The following ATRN variants were observed in gnomAD, a reference collection of about 807,000 sequenced individuals.
ATRN encodes attractin-2.
ATRN carries 54 observed loss-of-function variants against 178.7 expected under a neutral mutation model. The observed-to-expected ratio is 0.30, with a 90% CI of 0.24 to 0.38. ATRN has a LOEUF of 0.38. Ranked by LOEUF, ATRN falls within the 10% of genes least tolerant of loss-of-function variation. The pLI, the probability that ATRN is intolerant of heterozygous loss-of-function variation, is 1.00. For synonymous variants in ATRN, 636 were observed against 663.0 expected (o/e 0.96, Z 0.63); for missense variants, 1,443 against 1,815.1 (o/e 0.79, Z 3.73).
intron 5 of ATRN, 61 bp from the exon 6 acceptor site, chr20:3,549,109 T>C: frequency 7.3e-7 from 1 of 1,368,836 alleles, no homozygotes; most frequent in Non-Finnish European, 9.9e-7. Flanking sequence ...TAATTAAAAC[T>C]TGAAATGCAG....
At chr20:3,478,116 A>T (rs1226893189) in intron 1 of ATRN, among the ~76,000 whole-genome samples, 1 of 151,972 alleles carries the variant, frequency 6.6e-6, no homozygotes, top group East Asian at 1.9e-4. Context: ...TTCTGCTGCC[A>T]TTCTAATGTA....
chr20:3,613,571 A>C (rs943475628), intron 24 of ATRN, among the ~76,000 whole-genome samples: 3 of 152,228 alleles, frequency 2.0e-5, no homozygotes, highest in Non-Finnish European at 4.4e-5. Context: ...AGACTTATTT[A>C]AGGAAGACAG....
chr20:3,639,631 T>G (rs541609490), intron 27 of ATRN, among the ~76,000 whole-genome samples: 7 of 152,136 alleles, frequency 4.6e-5, no homozygotes, highest in Admixed American at 3.9e-4. Flanking sequence ...GTGGAAAATA[T>G]TTATCACCCC....
intron 24 of ATRN, among the ~76,000 whole-genome samples, chr20:3,619,418 A>C (rs1227028149): frequency 1.3e-5 from 2 of 152,128 alleles, no homozygotes; most frequent in Admixed American, 1.3e-4. Context: ...ACCAGAACGC[A>C]AGTCCTGAAT....
intron 1 of ATRN, among the ~76,000 whole-genome samples, chr20:3,479,849 A>G (rs995318735): frequency 3.3e-5 from 5 of 151,336 alleles, no homozygotes; most frequent in South Asian, 4.2e-4. Context: ...CTCATGTGAT[A>G]CTCTCCCTCC....
chr20:3,547,835 A>G (rs543080568), intron 5 of ATRN, among the ~76,000 whole-genome samples: 20 of 152,184 alleles, frequency 1.3e-4, no homozygotes, highest in Non-Finnish European at 2.6e-4. Context: ...CTCTAAGTTC[A>G]GAGAAAATTG....
chr20:3,573,995 C>T (rs2086168309), intron 12 of ATRN, among the ~76,000 whole-genome samples: 1 of 152,012 alleles, frequency 6.6e-6, no homozygotes, highest in African/African-American at 2.4e-5. Context: ...GCCTCAGCCT[C>T]GCAAAGTGTT....
intron 6 of ATRN, among the ~76,000 whole-genome samples, chr20:3,557,452 G>A (rs184148264): frequency 5.3e-5 from 8 of 152,312 alleles, no homozygotes; most frequent in Non-Finnish European, 7.4e-5. Context: ...ACCCAGCCAA[G>A]GTGTCATTCT....
chr20:3,598,666 G>A (rs921943990), intron 22 of ATRN, among the ~76,000 whole-genome samples: 5 of 152,150 alleles, frequency 3.3e-5, no homozygotes, highest in African/African-American at 9.7e-5. Flanking sequence ...GCCACACTGC[G>A]GGACATTTAA....
intron 10 of ATRN, among the ~76,000 whole-genome samples, chr20:3,565,052 G>A (rs775796597): frequency 1.3e-5 from 2 of 152,056 alleles, no homozygotes; most frequent in Non-Finnish European, 2.9e-5. Flanking sequence ...GTGACAGAGC[G>A]AGACTCTGTC....
rs2084408736 is a variant in ATRN at position 3,471,038 on chromosome 20, C to T, written c.-70C>T. 1 of 1,420,126 alleles carries T rather than the reference C, an allele frequency of 7.0e-7. No homozygotes were observed. The highest frequency in any genetic ancestry group is 1.5e-5 in the South Asian group (1 of 66,880). 88.0% of individuals were successfully genotyped at this position (1,420,126 alleles called of 1,614,324 possible). A position where few individuals can be genotyped will look rare whatever the true frequency, so the allele number is the denominator to read the frequency against. On this transcript the variant is annotated 5_prime_UTR_variant, in exon 1 of 29. Coordinates refer to ENST00000262919, the MANE Select transcript of ATRN (RefSeq NM_139321.3). ...TCCGCACAGCCCCGCCCCGCACGGC[C>T]AGGCGAAGCGGAGCCGGCCGTGCGG...
chr20:3,600,992 A>G lies in ATRN; in HGVS notation c.3611A>G (p.Asn1204Ser), dbSNP rs770464749. Residue 1204 changes from asparagine (N) to serine (S), a missense_variant, in exon 23 of 29, where the codon AAC becomes AGC. By Grantham distance (46) the Asn-to-Ser change is conservative (BLOSUM62 1). Transcript: ENST00000262919. ...TTCATCAATGCCTCCAAGAATTTCA[A>G]CCTCAACATCACCTGGGCTGCCAGT... ...DMFINASKNF[N>S]LNITWAASFS... 1.2e-5 allele frequency: 20 copies of G among 1,613,806 alleles called. No homozygotes were observed. Among genetic ancestry groups the G allele is most frequent in the Non-Finnish European group, 1.5e-5 (18 of 1,179,860 alleles).
rs903816551 is a variant in ATRN, at chr20:3,568,248, C to T, written c.1871+2816C>T. On this transcript the variant is annotated intron_variant, in intron 11 of 28. Coordinates refer to ENST00000262919, the MANE Select transcript of ATRN (RefSeq NM_139321.3). Reference sequence around the variant, plus strand: ...TGGAGCTTGCAGTGAGCTGAGATCGCGCCACTGCACTCCAGCCTGGGCAAC... The same window carrying T: ...TGGAGCTTGCAGTGAGCTGAGATCGTGCCACTGCACTCCAGCCTGGGCAAC... Among the ~76,000 whole-genome samples the T allele has an allele frequency of 4.0e-5, 6 of 150,830 alleles. No homozygotes were observed. In the South Asian group the frequency reaches 1.3e-3, roughly 32 times the overall value.
chr20:3,615,112 G>T (rs1046334207), intron 24 of ATRN, among the ~76,000 whole-genome samples: 1 of 152,034 alleles, frequency 6.6e-6, no homozygotes, highest in Non-Finnish European at 1.5e-5. Context: ...GTGCATATCC[G>T]TACCTCCTGG....
At chr20:3,509,006 CAT>C (rs1314536613) in intron 1 of ATRN, among the ~76,000 whole-genome samples, 1 of 151,324 alleles carries the variant, frequency 6.6e-6, no homozygotes, top group Non-Finnish European at 1.5e-5. Flanking sequence ...GGATGCATAA[CAT>C]AATAGTTTAT....
Position 3,647,161 on chromosome 20 carries a change from G to A in ATRN, c.*314G>A. ...TAGGAATGACACTCAGGTTCACTGT[G>A]GAAAACTGTTCTTGGGACTGTCTCA... On this transcript the variant is annotated 3_prime_UTR_variant, in exon 29 of 29. Transcript: ENST00000262919. 4.7e-6 allele frequency: 1 copy of A among 210,578 alleles called. No homozygotes were observed. Among genetic ancestry groups the A allele is most frequent in the South Asian group, 1.1e-4 (1 of 9,216 alleles). 13.0% of individuals were successfully genotyped at this position (210,578 alleles called of 1,614,324 possible). A position where few individuals can be genotyped will look rare whatever the true frequency, so the allele number is the denominator to read the frequency against.
Position 3,489,457 on chromosome 20 carries a change from T to C in ATRN, c.410+17940T>C, listed in dbSNP as rs1296918641. 5.8e-6 allele frequency: 5 copies of C among 868,918 alleles called. No individual in the cohort carries two copies. In the East Asian group the frequency reaches 7.3e-5, roughly 13 times the overall value. The allele number at this position is 868,918 out of a possible 1,614,324, so 53.8% of individuals were successfully genotyped here. ...GCAAAGGGTCTTTAAGAGAATTTGGTTGGGAGAAATAGAAAAAACAGATCT... is the reference window on the plus strand; with the variant it reads ...GCAAAGGGTCTTTAAGAGAATTTGGCTGGGAGAAATAGAAAAAACAGATCT... On this transcript the variant is annotated intron_variant, in intron 1 of 28. Coordinates refer to ENST00000262919, the MANE Select transcript of ATRN (RefSeq NM_139321.3).
intron 1 of ATRN, among the ~76,000 whole-genome samples, chr20:3,516,120 A>C (rs781092371): frequency 6.6e-6 from 1 of 152,224 alleles, no homozygotes; most frequent in Non-Finnish European, 1.5e-5. Context: ...GATATCAGCT[A>C]ATTATCAGCT....
chr20:3,490,890 G>A, intron 1 of ATRN: 1 of 1,003,618 alleles, frequency 1.0e-6, no homozygotes, highest in Non-Finnish European at 1.6e-6. Context: ...CATGGCCTGA[G>A]TGCGGTGATC....
Sources: allele counts gnomAD v4.1 joint callset (sites outside exome capture counted in the v4.1 genomes callset), GRCh38; gene constraint gnomAD v4.1.1; transcripts MANE v1.5; gene names NCBI Gene and HGNC (gene_info 2026-07-23, HGNC 2026-07-21).